The following DMXL2 variants were observed in gnomAD, a reference collection of about 807,000 sequenced individuals.
DMXL2 encodes dmX-like protein 2.
DMXL2 carries 103 observed loss-of-function variants against 331.1 expected under a neutral mutation model. The ratio of observed to expected loss-of-function variants is 0.31; its 90% CI spans 0.27 to 0.37. The LOEUF is 0.37. DMXL2 is among the 10% of genes least tolerant of loss of function. The pLI, the probability that DMXL2 is intolerant of heterozygous loss-of-function variation, is 1.00. For synonymous variants in DMXL2, 1,281 were observed against 1,252.1 expected, an observed-to-expected ratio of 1.02 and a Z score of -0.49; for missense variants, 3,171 against 3,642.9, an observed-to-expected ratio of 0.87 and a Z score of 3.33.
intron 1 of DMXL2, chr15:51,603,516 C>T (rs1052917613): frequency 1.3e-5 from 2 of 152,104 alleles, no homozygotes; most frequent in Admixed American, 1.3e-4. Flanking sequence ...ATAAATTCTA[C>T]TAACATTTAA....
At chr15:51,615,074 T>C (rs2054207987) in intron 1 of DMXL2, among the ~76,000 whole-genome samples, 3 of 152,070 alleles carry the variant, frequency 2.0e-5, no homozygotes, top group South Asian at 2.1e-4. Context: ...GGGACATAAA[T>C]GGAAGAGAAA....
intron 1 of DMXL2, among the ~76,000 whole-genome samples, chr15:51,577,247 T>C (rs1359816467): frequency 1.3e-5 from 2 of 152,112 alleles, no homozygotes; most frequent in East Asian, 1.9e-4. Context: ...AGATATCCAA[T>C]AGCCAGGGCT....
At chr15:51,452,574 A>G (rs2039244326) in intron 41 of DMXL2, among the ~76,000 whole-genome samples, 1 of 152,226 alleles carries the variant, frequency 6.6e-6, no homozygotes, top group Non-Finnish European at 1.5e-5. Context: ...AATGGCCATA[A>G]TTAAAAAACC....
At chr15:51,459,203 A>AGT in intron 34 of DMXL2, 1 of 196,426 alleles carries the variant, frequency 5.1e-6, no homozygotes. Flanking sequence ...CACCCTTTGA[A>AGT]GTAAGGGTGG....
chr15:51,586,958 C>G (rs1351024503), intron 1 of DMXL2, among the ~76,000 whole-genome samples: 1 of 139,880 alleles, frequency 7.1e-6, no homozygotes, highest in Non-Finnish European at 1.5e-5. Context: ...ATAAACCATT[C>G]AAAGTATTCA....
rs564730239 is a variant in DMXL2, at chr15:51,455,123, C to T, written c.8604+28G>A. 26 of 1,559,486 alleles carry T rather than the reference C, an allele frequency of 1.7e-5. No homozygotes were observed. The Admixed American group carries it at 2.5e-4, about 15-fold the overall frequency. ...TCATGAACAAAGTGTTGTGTATATG[C>T]GCCCTGGGAACATTTAGTGATACTT... On this transcript the variant is annotated intron_variant, in intron 40 of 43. Transcript: ENST00000560891.
At chr15:51,575,047 G>A (rs988112728) in intron 2 of DMXL2, among the ~76,000 whole-genome samples, 6 of 152,026 alleles carry the variant, frequency 3.9e-5, no homozygotes, top group African/African-American at 1.4e-4. Context: ...AGTACCTGGG[G>A]GGAAAAATTA....
intron 27 of DMXL2, among the ~76,000 whole-genome samples, chr15:51,475,697 G>T (rs936419798): frequency 1.4e-4 from 22 of 152,060 alleles, no homozygotes; most frequent in African/African-American, 4.3e-4. Context: ...GCCCCCAAAA[G>T]CACATTAGTG....
Position 51,450,333 on chromosome 15 carries a change from G to A in DMXL2, c.8763C>T (p.His2921=), listed in dbSNP as rs145628830. ...GNSLIHGFTC[H]DHGATVLQYA... is the part of the protein sequence containing the mutation. ...ACTGCAGTACCGTGGCACCATGATCGTGGCACGTGAAACCTGAAGAAGAAA... is the reference window on the plus strand; with the variant it reads ...ACTGCAGTACCGTGGCACCATGATCATGGCACGTGAAACCTGAAGAAGAAA... Residue 2921 remains histidine, a synonymous_variant, in exon 43 of 44, where the codon CAC becomes CAT. Coordinates refer to ENST00000560891, the MANE Select transcript of DMXL2 (RefSeq NM_001378457.1). 1.0e-4 allele frequency: 168 copies of A among 1,613,720 alleles called. No individual in the cohort carries two copies. In the African/African-American group the frequency reaches 1.8e-3, roughly 17 times the overall value.
At chr15:51,614,863 G>C (rs1164389952) in intron 1 of DMXL2, among the ~76,000 whole-genome samples, 1 of 152,150 alleles carries the variant, frequency 6.6e-6, no homozygotes, top group Non-Finnish European at 1.5e-5. Context: ...GAGCATTCTA[G>C]CTACTATGTT....
chr15:51,492,650 G>GT (rs1444795975), intron 19 of DMXL2, among the ~76,000 whole-genome samples: 1 of 152,112 alleles, frequency 6.6e-6, no homozygotes, highest in Non-Finnish European at 1.5e-5. Flanking sequence ...CTTACAGCAG[G>GT]TAAAAACGAA....
intron 1 of DMXL2, chr15:51,603,633 C>T (rs1468966111): frequency 6.6e-6 from 1 of 151,754 alleles, no homozygotes; most frequent in Non-Finnish European, 1.5e-5. Context: ...TTGGGAGGCC[C>T]AGGCAGGCAG....
At position 51,545,744 on chromosome 15, in the gene DMXL2, A is replaced by C. The variant is rs761980618; in HGVS notation, c.769T>G (p.Leu257Val). ...CACACACCATCATGACATGAAGTTA[A>C]CAACACATTACAGACAGAACCCCTA... is the stretch of plus-strand genomic sequence containing the variant. ...MPRGSVCNVL[L>V]TSCHDGVCRL... The change falls in exon 8 of 44, where the codon TTA (leucine) becomes GTA (valine). Residue 257 changes from leucine to valine, a missense_variant. Physicochemically the swap from Leu to Val is conservative, Grantham distance 32. Transcript: ENST00000560891. 1.9e-6 allele frequency: 3 copies of C among 1,612,092 alleles called. No homozygotes were observed. Among genetic ancestry groups the C allele is most frequent in the Non-Finnish European group, 2.5e-6 (3 of 1,178,612 alleles).
intron 19 of DMXL2, among the ~76,000 whole-genome samples, chr15:51,492,497 G>GTTT (rs143343434): frequency 2.0e-5 from 3 of 151,130 alleles, no homozygotes; most frequent in Non-Finnish European, 4.4e-5. Context: ...GGGTTTGTTT[G>GTTT]TTTTTTTTTA....
intron 6 of DMXL2, among the ~76,000 whole-genome samples, chr15:51,560,954 TTA>T (rs2049926773): frequency 6.6e-6 from 1 of 150,950 alleles, no homozygotes; most frequent in Non-Finnish European, 1.5e-5. Context: ...ATAACATGTT[TTA>T]TATATACTTT....
intron 1 of DMXL2, among the ~76,000 whole-genome samples, chr15:51,603,917 T>C (rs1463123122): frequency 1.3e-5 from 2 of 150,640 alleles, no homozygotes; most frequent in East Asian, 3.9e-4. Context: ...GAAGCTAGTA[T>C]TACAATGATA....
chr15:51,620,043 A>C (rs2054532536), intron 1 of DMXL2, among the ~76,000 whole-genome samples: 1 of 152,108 alleles, frequency 6.6e-6, no homozygotes, highest in Non-Finnish European at 1.5e-5. Context: ...TTTTATTTTT[A>C]CTATTATATT....
At chr15:51,511,468 C>T (rs563361806) in intron 15 of DMXL2, among the ~76,000 whole-genome samples, 62 of 152,120 alleles carry the variant, frequency 4.1e-4, no homozygotes, top group Admixed American at 1.5e-3. Context: ...ATTAGAGAAA[C>T]GCAAATCAAA....
chr15:51,509,609 C>G (rs976346781), intron 15 of DMXL2, among the ~76,000 whole-genome samples: 10 of 152,132 alleles, frequency 6.6e-5, no homozygotes, highest in African/African-American at 2.4e-4. Context: ...AGATTCACAG[C>G]CAAATTCTAC....
Sources: allele counts gnomAD v4.1 joint callset (sites outside exome capture counted in the v4.1 genomes callset), GRCh38; gene constraint gnomAD v4.1.1; transcripts MANE v1.5; gene names NCBI Gene and HGNC (gene_info 2026-07-23, HGNC 2026-07-21).